Variants in ANGEL1 observed in about 807,000 individuals in gnomAD.
ANGEL1 encodes RNA 2',3'-cyclic phosphatase ANGEL1.
Under a neutral mutation model 76.4 loss-of-function variants are expected in ANGEL1, and 62 were observed. The ratio of observed to expected loss-of-function variants is 0.81; its 90% CI spans 0.66 to 1.00. The LOEUF (loss-of-function observed/expected upper bound fraction) is 1.00. ANGEL1 is among the 50% of genes least tolerant of loss of function. ANGEL1 has a pLI of 0.00. For synonymous variants in ANGEL1, 340 were observed against 331.7 expected, an observed-to-expected ratio of 1.03 and a Z score of -0.27; for missense variants, 737 against 836.7, an observed-to-expected ratio of 0.88 and a Z score of 1.47.
At chr14:76,810,625 C>T (rs566352815) in intron 1 of ANGEL1, among the ~76,000 whole-genome samples, 140 of 152,266 alleles carry the variant, frequency 9.2e-4, no homozygotes, top group African/African-American at 3.2e-3. Context: ...TTTCTCAAAG[C>T]TACTTATTGT....
At chr14:76,806,287 A>T in intron 5 of ANGEL1, 129 bp downstream of exon 5, 3 of 972,540 alleles carry the variant, frequency 3.1e-6, no homozygotes, top group Non-Finnish European at 4.5e-6. Flanking sequence ...TATTCAACAT[A>T]ACAAGAAAAA....
At chr14:76,796,970 A>C (rs1240360993) in intron 7 of ANGEL1, among the ~76,000 whole-genome samples, 2 of 152,194 alleles carry the variant, frequency 1.3e-5, no homozygotes, top group Non-Finnish European at 2.9e-5. Flanking sequence ...GCAGGATCTT[A>C]AACATGATTT....
rs780695176 is a variant in ANGEL1, at chr14:76,803,775, C to T, written c.1507+11G>A. On this transcript the variant is annotated intron_variant, in intron 6 of 9. Coordinates refer to ENST00000251089, the MANE Select transcript of ANGEL1 (RefSeq NM_015305.4). ...AAGACACAGCCAACCAAGAATGTGACATGTGCTCACCTGATCTCTTGGGGT... is the reference window on the plus strand; with the variant it reads ...AAGACACAGCCAACCAAGAATGTGATATGTGCTCACCTGATCTCTTGGGGT... 4.2e-5 allele frequency: 67 copies of T among 1,594,036 alleles called. No homozygotes were observed. The highest frequency in any genetic ancestry group is 5.2e-5 in the Non-Finnish European group (61 of 1,169,078).
chr14:76,801,508 A>G (rs1212459592), intron 7 of ANGEL1, among the ~76,000 whole-genome samples: 1 of 152,086 alleles, frequency 6.6e-6, no homozygotes, highest in Admixed American at 6.5e-5. Context: ...ATCTTTAAAT[A>G]TTTCTTCTGT....
At chr14:76,791,887 C>A (rs527760907) in intron 7 of ANGEL1, among the ~76,000 whole-genome samples, 2 of 152,110 alleles carry the variant, frequency 1.3e-5, no homozygotes, top group South Asian at 4.2e-4. Flanking sequence ...ACATACATAT[C>A]ATACACACGA....
intron 7 of ANGEL1, among the ~76,000 whole-genome samples, chr14:76,796,120 T>G (rs181374337): frequency 1.3e-5 from 2 of 152,240 alleles, no homozygotes; most frequent in Admixed American, 1.3e-4. Flanking sequence ...TGAACACCAT[T>G]TTAGCTATAA....
At chr14:76,806,176 C>T (rs757457058) in intron 5 of ANGEL1, among the ~76,000 whole-genome samples, 5 of 152,248 alleles carry the variant, frequency 3.3e-5, no homozygotes, top group African/African-American at 7.2e-5. Flanking sequence ...TATGTACTTA[C>T]GTATTACTTG....
chr14:76,798,655 AG>A (rs1394766979), intron 7 of ANGEL1, among the ~76,000 whole-genome samples: 2 of 151,634 alleles, frequency 1.3e-5, no homozygotes, highest in Non-Finnish European at 2.9e-5. Flanking sequence ...TCCATTACAA[AG>A]GGGGTTGGGA....
Position 76,802,175 on chromosome 14 carries a change from A to AAAAAT in ANGEL1, c.1618+1191_1618+1195dup, listed in dbSNP as rs1346388781. On this transcript the variant is annotated intron_variant, in intron 7 of 9. Coordinates refer to ENST00000251089, the MANE Select transcript of ANGEL1 (RefSeq NM_015305.4). ...GACAGAGTGAGACTCTATCTCAAAA[A>AAAAAT]AAAATAAAATAAAATAAAAAATAAA... Among the ~76,000 whole-genome samples, 188 of 152,290 alleles carry AAAAAT rather than the reference A, an allele frequency of 1.2e-3. 2 individuals carry two copies. The highest frequency in any genetic ancestry group is 4.2e-3 in the African/African-American group (176 of 41,552).
At position 76,790,766 on chromosome 14, in the gene ANGEL1, C is replaced by T. The variant is rs780368083; in HGVS notation, c.1697G>A (p.Gly566Asp). Residue 566 changes from glycine to aspartate, a missense_variant, in exon 9 of 10, where the codon GGT (glycine) becomes GAT (aspartate). Physicochemically the swap from Gly to Asp is moderately conservative, Grantham distance 94. Coordinates refer to ENST00000251089, the MANE Select transcript of ANGEL1 (RefSeq NM_015305.4). ...CAGGTGGAGGCAGTGCTGGATGGTA[C>T]CTACAGTCCTACAGGGATGAAGGGG... ...ELEPAFSRTVGTIQHCLHLTS... is the reference protein window; with the variant it reads ...ELEPAFSRTVDTIQHCLHLTS... 5 of 1,594,086 alleles carry T rather than the reference C, an allele frequency of 3.1e-6. No homozygotes were observed. In the East Asian group the frequency reaches 9.0e-5, roughly 29 times the overall value.
chr14:76,807,618 G>T, intron 3 of ANGEL1, 116 bp from the exon 4 acceptor site: 1 of 983,010 alleles, frequency 1.0e-6, no homozygotes, highest in Non-Finnish European at 1.6e-6. Context: ...AAACTTCCCA[G>T]AGTCACCAAC....
intron 1 of ANGEL1, chr14:76,810,113 G>T (rs1362268986): frequency 2.2e-6 from 1 of 447,816 alleles, no homozygotes; most frequent in African/African-American, 2.0e-5. Flanking sequence ...CTAGTCAGAT[G>T]AAGTTACTCT....
At chr14:76,808,493 G>C (rs1255175485) in intron 2 of ANGEL1, among the ~76,000 whole-genome samples, 1 of 148,014 alleles carries the variant, frequency 6.8e-6, no homozygotes, top group East Asian at 1.9e-4. Context: ...TGAGGTTAAA[G>C]ACATTTTTAG....
chr14:76,789,221 A>G lies in ANGEL1; in HGVS notation c.*7T>C, dbSNP rs773375832. 1 of 1,613,984 alleles carries G rather than the reference A, an allele frequency of 6.2e-7. No individual in the cohort carries two copies. Among genetic ancestry groups the G allele is most frequent in the Non-Finnish European group, 8.5e-7 (1 of 1,179,964 alleles). ...GGAAGAGAAGCTCTCTTCCCCTGGG[A>G]GCCCTGTCATGGGGCGGTGACTTCC... On this transcript the variant is annotated 3_prime_UTR_variant, in exon 10 of 10. Coordinates refer to ENST00000251089, the MANE Select transcript of ANGEL1 (RefSeq NM_015305.4).
intron 1 of ANGEL1, 79 bp from the exon 2 acceptor site, chr14:76,809,722 A>G: frequency 7.8e-7 from 1 of 1,281,836 alleles, no homozygotes; most frequent in South Asian, 1.4e-5. Flanking sequence ...CATAAGCCCA[A>G]TAAAAGCAAG....
Position 76,809,600 on chromosome 14 carries a change from G to A in ANGEL1, c.108C>T (p.Ser36=). ...AGTCGCCCTCTACCTGGGGGGATGA[G>A]CTGTTCGCCAGAAGGACATTTTTTC... ...TCRKNVLLAN[S]SSPQVEGDFA... is the part of the protein sequence containing the mutation. The change falls in exon 2 of 10, where the codon AGC becomes AGT. Residue 36 remains serine, a synonymous_variant. Coordinates refer to ENST00000251089, the MANE Select transcript of ANGEL1 (RefSeq NM_015305.4). 1 of 1,613,830 alleles carries A rather than the reference G, an allele frequency of 6.2e-7. No homozygotes were observed. The highest frequency in any genetic ancestry group is 8.5e-7 in the Non-Finnish European group (1 of 1,179,874).
Position 76,809,584 on chromosome 14 carries a change from C to T in ANGEL1, c.124G>A (p.Glu42Lys), listed in dbSNP as rs959741054. The change falls in exon 2 of 10, where the codon GAG becomes AAG. Residue 42 changes from glutamate (E) to lysine (K), a missense_variant. By Grantham distance (56) the Glu-to-Lys change is moderately conservative (BLOSUM62 1). Around this residue, in one of 2 missense-constraint regions of ANGEL1, gnomAD observed 441 missense variants for 449.5 expected, o/e 0.98. Coordinates refer to ENST00000251089, the MANE Select transcript of ANGEL1 (RefSeq NM_015305.4). Reference sequence around the variant, plus strand: ...CGAGGGGCCATGGCAAAGTCGCCCTCTACCTGGGGGGATGAGCTGTTCGCC... The same window carrying T: ...CGAGGGGCCATGGCAAAGTCGCCCTTTACCTGGGGGGATGAGCTGTTCGCC... ...LLANSSSPQV[E>K]GDFAMAPRGP... The T allele has an allele frequency of 1.9e-6, 3 of 1,614,206 alleles. No individual in the cohort carries two copies. Among genetic ancestry groups the T allele is most frequent in the Non-Finnish European group, 1.7e-6 (2 of 1,180,052 alleles).
chr14:76,794,949 C>G (rs549856912), intron 7 of ANGEL1, among the ~76,000 whole-genome samples: 1 of 151,812 alleles, frequency 6.6e-6, no homozygotes, highest in Non-Finnish European at 1.5e-5. Context: ...AATAATTTAC[C>G]CCCTCCTTTC....
At chr14:76,806,981 CT>C (rs1344181058) in intron 4 of ANGEL1, 132 bp from the exon 5 acceptor site, 1 of 1,053,304 alleles carries the variant, frequency 9.5e-7, no homozygotes, top group African/African-American at 1.6e-5. Context: ...GCCTTTGCCA[CT>C]TCCTTGGTTC....
Sources: gnomAD v4.1 joint callset for allele counts (sites outside exome capture counted in the v4.1 genomes callset) on GRCh38, gnomAD v4.1.1 for gene constraint, gnomAD v4.1.1 regional missense constraint, MANE v1.5 for transcripts, NCBI Gene and HGNC (gene_info 2026-07-23, HGNC 2026-07-21) for gene names.